The following TMEM266 variants were observed in gnomAD, a reference collection of about 807,000 sequenced individuals.
TMEM266 encodes the protein transmembrane protein 266.
Under a neutral mutation model 50.5 loss-of-function variants are expected in TMEM266, and 33 were observed. That is an observed-to-expected ratio of 0.65 (90% CI 0.50 to 0.87). TMEM266 has a LOEUF of 0.87. Among genes scored for constraint, TMEM266 ranks in the 40% least tolerant of loss-of-function variants. TMEM266 has a pLI of 0.00. For missense variants in TMEM266, 655 were observed against 695.1 expected (o/e 0.94, Z 0.65); for synonymous variants, 310 against 292.3 (o/e 1.06, Z -0.62).
intron 1 of TMEM266, among the ~76,000 whole-genome samples, chr15:76,131,388 A>G (rs370984158): frequency 6.6e-6 from 1 of 152,192 alleles, no homozygotes; most frequent in African/African-American, 2.4e-5. Flanking sequence ...CAAACAAACA[A>G]ACCTCATTTG....
chr15:76,089,639 C>T (rs1431549985), intron 1 of TMEM266, among the ~76,000 whole-genome samples: 1 of 152,054 alleles, frequency 6.6e-6, no homozygotes, highest in Non-Finnish European at 1.5e-5. Flanking sequence ...AGGGAGCTAG[C>T]TAGGGTCTTA....
In TMEM266 at chr15:76,160,045, C is replaced by A. The variant is rs759005703; in HGVS notation, c.383-50C>A. The A allele has an allele frequency of 3.2e-6, 5 of 1,563,006 alleles. No individual in the cohort carries two copies. Among genetic ancestry groups the A allele is most frequent in the African/African-American group, 2.7e-5 (2 of 73,766 alleles). ...GGATGCTGCGAAGCCCCCATAGCAA[C>A]GCACCTAATTCCTCACTCCTAAAAT... is the stretch of plus-strand genomic sequence containing the variant. On this transcript the variant is annotated intron_variant, in intron 4 of 10. Transcript: ENST00000388942. The surrounding 1 kb of genome is among the most constrained non-coding windows in gnomAD (Gnocchi z 5.7).
At chr15:76,079,771 C>CA (rs1180534538) in intron 1 of TMEM266, among the ~76,000 whole-genome samples, 4,979 of 45,990 alleles carry the variant, frequency 0.11, 185 homozygotes, top group Non-Finnish European at 0.14. Context: ...GACTCTGTCT[C>CA]AAAAAAAAAA....
chr15:76,202,931 C>T (rs564745292), intron 10 of TMEM266, among the ~76,000 whole-genome samples: 3 of 152,194 alleles, frequency 2.0e-5, no homozygotes, highest in East Asian at 1.9e-4. Flanking sequence ...TTTAGTCTCC[C>T]TAAGGCCTCA....
At chr15:76,183,218 C>T (rs1048381877) in intron 8 of TMEM266, among the ~76,000 whole-genome samples, 52 of 142,172 alleles carry the variant, frequency 3.7e-4, no homozygotes, top group African/African-American at 1.3e-3. Context: ...TGGGTTCAAG[C>T]GATTCTCCTG....
chr15:76,077,269 A>G (rs1567142138), intron 1 of TMEM266, among the ~76,000 whole-genome samples: 2 of 152,050 alleles, frequency 1.3e-5, no homozygotes, highest in African/African-American at 4.8e-5. Context: ...TGGCCCTCGG[A>G]TAACCTTTTA....
chr15:76,174,000 A>G (rs2038229779), intron 7 of TMEM266, among the ~76,000 whole-genome samples: 2 of 151,838 alleles, frequency 1.3e-5, no homozygotes, highest in African/African-American at 2.4e-5. Flanking sequence ...GGCCTTGACT[A>G]CAGTCACTTA....
At chr15:76,187,920 A>G (rs1370831842) in intron 8 of TMEM266, among the ~76,000 whole-genome samples, 3 of 152,190 alleles carry the variant, frequency 2.0e-5, no homozygotes, top group Non-Finnish European at 4.4e-5. Flanking sequence ...AGGCAACACA[A>G]CAGATAAGAC....
chr15:76,152,646 C>A (rs188181888), intron 3 of TMEM266, among the ~76,000 whole-genome samples: 1 of 152,256 alleles, frequency 6.6e-6, no homozygotes, highest in East Asian at 1.9e-4. Context: ...ACATTTCAAC[C>A]ATGCCTGGAT....
intron 1 of TMEM266, among the ~76,000 whole-genome samples, chr15:76,074,514 A>G (rs777327676): frequency 1.3e-5 from 2 of 152,108 alleles, no homozygotes; most frequent in Non-Finnish European, 2.9e-5. Flanking sequence ...ATTTTATAAT[A>G]TGTTTTAATG....
At chr15:76,150,937 T>G (rs1175250008) in intron 3 of TMEM266, among the ~76,000 whole-genome samples, 2 of 152,244 alleles carry the variant, frequency 1.3e-5, no homozygotes, top group African/African-American at 2.4e-5. Flanking sequence ...GTGAAGGTAC[T>G]CAGCCTCCCC....
chr15:76,188,909 G>C (rs2038527252), intron 8 of TMEM266, among the ~76,000 whole-genome samples: 1 of 152,198 alleles, frequency 6.6e-6, no homozygotes, highest in Non-Finnish European at 1.5e-5. Context: ...AAGTACAGTG[G>C]CTCACACCTG....
chr15:76,064,210 G>A (rs79067584), intron 1 of TMEM266, among the ~76,000 whole-genome samples: 3,127 of 152,290 alleles, frequency 0.021, 113 homozygotes, highest in African/African-American at 0.071. Context: ...ACAGACAGGT[G>A]AATCCTTGCA....
At chr15:76,104,054 A>C (rs1227068855) in intron 1 of TMEM266, among the ~76,000 whole-genome samples, 1 of 151,760 alleles carries the variant, frequency 6.6e-6, no homozygotes, top group Non-Finnish European at 1.5e-5. Context: ...AAAAATACAA[A>C]AAATTAGCTG....
intron 1 of TMEM266, among the ~76,000 whole-genome samples, chr15:76,070,701 C>A (rs892444829): frequency 3.3e-5 from 5 of 152,196 alleles, no homozygotes; most frequent in South Asian, 2.1e-4. Context: ...ATTCAAAGTT[C>A]TTGGCTGAGC....
At chr15:76,065,151 TGCAATTCCTCAACAAAGA>T (rs2036389720) in intron 1 of TMEM266, among the ~76,000 whole-genome samples, 1 of 152,192 alleles carries the variant, frequency 6.6e-6, no homozygotes, top group Non-Finnish European at 1.5e-5. Context: ...TGAAATATAT[TGCAATTCCTCAACAAAGA>T]AAAAGTTCCA....
At chr15:76,119,179 G>A (rs543133682) in intron 1 of TMEM266, among the ~76,000 whole-genome samples, 10 of 152,118 alleles carry the variant, frequency 6.6e-5, no homozygotes, top group Admixed American at 1.3e-4. Flanking sequence ...AATTAAAAGC[G>A]AATGACTCTT....
At chr15:76,186,095 G>A (rs1250510203) in intron 8 of TMEM266, among the ~76,000 whole-genome samples, 1 of 152,152 alleles carries the variant, frequency 6.6e-6, no homozygotes, top group Non-Finnish European at 1.5e-5. Context: ...CTTCCATCTT[G>A]CTTATAAGGC....
At chr15:76,109,437 T>A (rs1283730528) in intron 1 of TMEM266, among the ~76,000 whole-genome samples, 1 of 151,990 alleles carries the variant, frequency 6.6e-6, no homozygotes, top group East Asian at 1.9e-4. Flanking sequence ...AACACAGCAG[T>A]GATAATTAAA....
Sources: allele counts gnomAD v4.1 joint callset (sites outside exome capture counted in the v4.1 genomes callset), GRCh38; gene constraint gnomAD v4.1.1; non-coding constraint Gnocchi (gnomAD v3.1); transcripts MANE v1.5; gene names NCBI Gene and HGNC (gene_info 2026-07-23, HGNC 2026-07-21).